RPRD2: variants seen among roughly 807,000 people sequenced by gnomAD.
The protein encoded by RPRD2 is regulation of nuclear pre-mRNA domain containing 2.
A neutral mutation model predicts 104.4 loss-of-function variants in RPRD2; 12 were observed. That is an observed-to-expected ratio of 0.11 (90% CI 0.07 to 0.19). RPRD2 has a LOEUF of 0.19. RPRD2 is among the 10% of genes least tolerant of loss of function. The pLI is 1.00. For synonymous variants in RPRD2, 714 were observed against 684.9 expected (o/e 1.04, Z -0.66); for missense variants, 1,543 against 1,790.1 (o/e 0.86, Z 2.49).
intron 2 of RPRD2, among the ~76,000 whole-genome samples, chr1:150,440,068 C>G (rs782237343): frequency 5.3e-5 from 8 of 152,082 alleles, no homozygotes; most frequent in Admixed American, 6.6e-5. Flanking sequence ...GCCTCAGACT[C>G]CCATGTAGCG....
chr1:150,468,953 A>AT (rs66474269), intron 10 of RPRD2, among the ~76,000 whole-genome samples: 36 of 144,780 alleles, frequency 2.5e-4, no homozygotes, highest in African/African-American at 7.1e-4. Flanking sequence ...AAACATGCCG[A>AT]TTTTTTTTTT....
rs761911971 is a variant in RPRD2, at chr1:150,470,983, A to C, written c.2035A>C (p.Asn679His). ...EMKIHNFLKG[N>H]PGFSGLNLNI... ...GAAGATTCACAACTTCTTAAAAGGTAATCCTGGTTTCAGTGGCTTAAACTT... is the reference window on the plus strand; with the variant it reads ...GAAGATTCACAACTTCTTAAAAGGTCATCCTGGTTTCAGTGGCTTAAACTT... The change falls in exon 11 of 11, where the codon AAT becomes CAT. Residue 679 changes from asparagine to histidine, a missense_variant. Physicochemically the swap from Asn to His is moderately conservative, Grantham distance 68. Transcript: ENST00000369068. 1 of 1,614,044 alleles carries C rather than the reference A, an allele frequency of 6.2e-7. No homozygotes were observed. Among genetic ancestry groups the C allele is most frequent in the Non-Finnish European group, 8.5e-7 (1 of 1,179,902 alleles).
In RPRD2 at chr1:150,473,556, T is replaced by TAAAAAAAAAAAAAAAAAAAA. The variant is rs61486244; in HGVS notation, c.*226_*245dup. The TAAAAAAAAAAAAAAAAAAAA allele has an allele frequency of 1.0e-5, 1 of 98,120 alleles. No homozygotes were observed. The highest frequency in any genetic ancestry group is 1.9e-5 in the Non-Finnish European group (1 of 51,862). The allele number at this position is 98,120 out of a possible 1,614,324, so 6.1% of individuals were successfully genotyped here. On this transcript the variant is annotated 3_prime_UTR_variant, in exon 11 of 11. Coordinates refer to ENST00000369068, the MANE Select transcript of RPRD2 (RefSeq NM_015203.5). ...TCTACCTTCCCCAAGTTGTTTGTAT[T>TAAAAAAAAAAAAAAAAAAAA]AAAAAAAAAAAAAAAAAAAAAAAGT...
chr1:150,410,658 T>C (rs1421157151), intron 1 of RPRD2, among the ~76,000 whole-genome samples: 2 of 152,240 alleles, frequency 1.3e-5, no homozygotes, highest in East Asian at 3.8e-4. Flanking sequence ...TTTTCTGAAC[T>C]GTTTGAGCAT....
Position 150,471,855 on chromosome 1 carries a change from C to A in RPRD2, c.2907C>A (p.Val969=), listed in dbSNP as rs969452882. The A allele has an allele frequency of 6.2e-7, 1 of 1,614,014 alleles. No individual in the cohort carries two copies. The highest frequency in any genetic ancestry group is 1.7e-5 in the Admixed American group (1 of 60,016). Reference sequence around the variant, plus strand: ...AGTACCCAGACTCTCCTCACCCAGTCCCACATCGTTCCCTTTTCTCTCCGC... The same window carrying A: ...AGTACCCAGACTCTCCTCACCCAGTACCACATCGTTCCCTTTTCTCTCCGC... ...QKQYPDSPHP[V]PHRSLFSPQN... The change falls in exon 11 of 11, where the codon GTC becomes GTA. Residue 969 remains valine (V), a synonymous_variant. Transcript: ENST00000369068. This position sits in a 1 kb window ranked among gnomAD's most constrained non-coding sequence, Gnocchi z 5.3.
chr1:150,445,886 G>A (rs1666729717), intron 6 of RPRD2, among the ~76,000 whole-genome samples: 1 of 152,090 alleles, frequency 6.6e-6, no homozygotes, highest in Non-Finnish European at 1.5e-5. Flanking sequence ...GGCTAACACA[G>A]TGAAACCCCA....
At chr1:150,423,287 C>T (rs1292087439) in intron 2 of RPRD2, among the ~76,000 whole-genome samples, 3 of 152,144 alleles carry the variant, frequency 2.0e-5, no homozygotes, top group East Asian at 1.9e-4. Context: ...CAACCAGCAA[C>T]GACTTCAATA....
chr1:150,410,521 TAAA>T (rs1353040510), intron 1 of RPRD2, among the ~76,000 whole-genome samples: 10 of 152,316 alleles, frequency 6.6e-5, no homozygotes, highest in African/African-American at 2.2e-4. Context: ...TTTCAGATGT[TAAA>T]AAAGTTTCAA....
intron 9 of RPRD2, among the ~76,000 whole-genome samples, chr1:150,463,443 T>C (rs1365590936): frequency 1.3e-5 from 2 of 152,232 alleles, no homozygotes. Flanking sequence ...CCTTACCTTC[T>C]CCAGTTACTT....
chr1:150,415,621 C>T (rs181369534), intron 1 of RPRD2, among the ~76,000 whole-genome samples: 1 of 152,174 alleles, frequency 6.6e-6, no homozygotes, highest in East Asian at 1.9e-4. Context: ...AAGGAGGCTG[C>T]AGTGAACTGT....
chr1:150,464,235 C>G (rs1347593211), intron 9 of RPRD2, among the ~76,000 whole-genome samples: 2 of 152,084 alleles, frequency 1.3e-5, no homozygotes, highest in Admixed American at 6.6e-5. Context: ...TCTCGAACTC[C>G]TGACCTCAGG....
intron 1 of RPRD2, among the ~76,000 whole-genome samples, chr1:150,379,622 G>C (rs375423579): frequency 6.6e-6 from 1 of 152,046 alleles, no homozygotes; most frequent in East Asian, 1.9e-4. Flanking sequence ...GGCTGGTCTC[G>C]AACTCCCAAC....
intron 9 of RPRD2, among the ~76,000 whole-genome samples, chr1:150,461,590 G>A (rs977930210): frequency 4.6e-5 from 7 of 151,694 alleles, no homozygotes; most frequent in African/African-American, 1.7e-4. Flanking sequence ...GGTGGCTCAC[G>A]CCACCACTTT....
intron 2 of RPRD2, among the ~76,000 whole-genome samples, chr1:150,432,045 C>T (rs1195064784): frequency 6.6e-6 from 1 of 151,690 alleles, no homozygotes; most frequent in Non-Finnish European, 1.5e-5. Context: ...TGTGAATGTA[C>T]TTAACTTTTG....
chr1:150,386,432 A>G (rs186931388), intron 1 of RPRD2, among the ~76,000 whole-genome samples: 68 of 152,258 alleles, frequency 4.5e-4, no homozygotes, highest in African/African-American at 1.5e-3. Context: ...CAAGAATACA[A>G]AAAAAATTAG....
chr1:150,388,375 C>T (rs201297664), intron 1 of RPRD2, among the ~76,000 whole-genome samples: 11 of 142,960 alleles, frequency 7.7e-5, no homozygotes, highest in East Asian at 6.5e-4. Flanking sequence ...CATGTATACA[C>T]ATATACACGT....
At chr1:150,371,629 A>G (rs1660303856) in intron 1 of RPRD2, among the ~76,000 whole-genome samples, 1 of 152,148 alleles carries the variant, frequency 6.6e-6, no homozygotes, top group African/African-American at 2.4e-5. Context: ...TTGGCCTCCC[A>G]AAGTGCTGGG....
chr1:150,364,940 G>A (rs1376037200), intron 1 of RPRD2, 21 bp downstream of exon 1: 5 of 1,611,144 alleles, frequency 3.1e-6, no homozygotes, highest in East Asian at 2.2e-5. Flanking sequence ...GGGGTGACTA[G>A]GGAAGGGAAG....
At chr1:150,395,757 C>G (rs1467948230) in intron 1 of RPRD2, among the ~76,000 whole-genome samples, 2 of 152,174 alleles carry the variant, frequency 1.3e-5, no homozygotes, top group Admixed American at 6.5e-5. Context: ...GATCTGCCTG[C>G]CTCCGCCTCC....
Sources: allele counts gnomAD v4.1 joint callset (sites outside exome capture counted in the v4.1 genomes callset), GRCh38; gene constraint gnomAD v4.1.1; non-coding constraint Gnocchi (gnomAD v3.1); transcripts MANE v1.5; gene names NCBI Gene and HGNC (gene_info 2026-07-23, HGNC 2026-07-21).